The following LPCAT2 variants were observed in gnomAD, a reference collection of about 807,000 sequenced individuals.
The protein encoded by LPCAT2 is 1-AGP acyltransferase 11.
Under a neutral mutation model 64.7 loss-of-function variants are expected in LPCAT2, and 58 were observed. The ratio of observed to expected loss-of-function variants is 0.90; its 90% confidence interval spans 0.73 to 1.12. LPCAT2 has a LOEUF of 1.12. Ranked by LOEUF, LPCAT2 falls within the 50% of genes most tolerant of loss-of-function variation. The pLI, the probability that LPCAT2 is intolerant of heterozygous loss-of-function variation, is 0.00. For synonymous variants in LPCAT2, 252 were observed against 245.3 expected (o/e 1.03, Z -0.26); for missense variants, 579 against 669.8 (o/e 0.86, Z 1.50).
chr16:55,581,838 G>T (rs1189321866), intron 13 of LPCAT2, among the ~76,000 whole-genome samples: 1 of 152,124 alleles, frequency 6.6e-6, no homozygotes, highest in East Asian at 1.9e-4. Flanking sequence ...GAGGATTGAG[G>T]TTCAAGTCCT....
intron 11 of LPCAT2, chr16:55,567,548 A>C: frequency 6.3e-7 from 1 of 1,576,306 alleles, no homozygotes; most frequent in Non-Finnish European, 8.6e-7. Context: ...GACAGGACTG[A>C]AAACCTTGCC....
intron 1 of LPCAT2, among the ~76,000 whole-genome samples, chr16:55,510,657 G>A (rs1243452491): frequency 6.6e-6 from 1 of 152,152 alleles, no homozygotes; most frequent in Non-Finnish European, 1.5e-5. Flanking sequence ...GGGTGTGAGA[G>A]AGGAAGAAGA....
intron 11 of LPCAT2, among the ~76,000 whole-genome samples, chr16:55,554,765 G>A (rs1374319360): frequency 6.6e-6 from 1 of 152,118 alleles, no homozygotes; most frequent in Non-Finnish European, 1.5e-5. Context: ...TCTAGCTTTT[G>A]ATGTGAAGTA....
At chr16:55,529,785 T>G in intron 3 of LPCAT2, 50 bp from the exon 4 acceptor site, 1 of 1,067,362 alleles carries the variant, frequency 9.4e-7, no homozygotes, top group South Asian at 1.6e-5. Context: ...ATTGCTGTGG[T>G]TGCTTTAGCC....
chr16:55,564,291 T>G (rs1386746252), intron 11 of LPCAT2, among the ~76,000 whole-genome samples: 2 of 151,914 alleles, frequency 1.3e-5, no homozygotes, highest in Non-Finnish European at 2.9e-5. Context: ...TCTACAGATT[T>G]AAAGCAATCC....
chr16:55,516,703 A>T (rs1043160029), intron 1 of LPCAT2, among the ~76,000 whole-genome samples: 4 of 152,206 alleles, frequency 2.6e-5, no homozygotes, highest in Admixed American at 6.5e-5. Context: ...AGAGACTTCA[A>T]TTACTCAATA....
At chr16:55,580,731 G>C (rs989478339) in intron 13 of LPCAT2, among the ~76,000 whole-genome samples, 5 of 152,162 alleles carry the variant, frequency 3.3e-5, no homozygotes, top group Admixed American at 2.0e-4. Context: ...TGGCCATTAG[G>C]AACGGAGTTA....
Position 55,525,537 on chromosome 16 carries a change from A to C in LPCAT2, c.201A>C (p.Pro67=), listed in dbSNP as rs1963157403. ...QIVLLGIILL[P]IRVLLVALIL... is the part of the protein sequence containing the mutation. The stretch of plus-strand genomic sequence containing the variant: ...TCCTTCTTGGGATTATCTTGCTTCC[A>C]ATTCGTGTCTTATTGGTTGCGTTAA... Residue 67 remains proline, a synonymous_variant, in exon 2 of 14, where the codon CCA becomes CCC. Transcript: ENST00000262134. 6.2e-7 allele frequency: 1 copy of C among 1,609,562 alleles called. No individual in the cohort carries two copies. The highest frequency in any genetic ancestry group is 8.5e-7 in the Non-Finnish European group (1 of 1,177,798).
intron 11 of LPCAT2, among the ~76,000 whole-genome samples, chr16:55,553,977 GA>G (rs1243345913): frequency 6.6e-6 from 1 of 152,158 alleles, no homozygotes; most frequent in Non-Finnish European, 1.5e-5. Flanking sequence ...GTAATATTTT[GA>G]AAGGAATCTT....
rs972501690 is a variant in LPCAT2 at position 55,547,795 on chromosome 16, T to C, written c.936-1482T>C. 4.5e-4 allele frequency among the ~76,000 whole-genome samples: 68 copies of C among 152,112 alleles called. 1 individual carries two copies. Among genetic ancestry groups the C allele is most frequent in the Non-Finnish European group, 3.1e-4 (21 of 68,012 alleles). ...TTTGTTTTTTGTTTTTTTGAGACAGTCTTGCTCTGTCACTCAGGCTGGAGT... is the reference window on the plus strand; with the variant it reads ...TTTGTTTTTTGTTTTTTTGAGACAGCCTTGCTCTGTCACTCAGGCTGGAGT... On this transcript the variant is annotated intron_variant, in intron 9 of 13. Transcript: ENST00000262134.
At chr16:55,576,856 A>G (rs1447751370) in intron 12 of LPCAT2, among the ~76,000 whole-genome samples, 2 of 152,044 alleles carry the variant, frequency 1.3e-5, no homozygotes, top group Admixed American at 1.3e-4. Context: ...TAGAGAGGGG[A>G]GTTATGGCAA....
chr16:55,566,614 A>G, intron 11 of LPCAT2: 1 of 851,768 alleles, frequency 1.2e-6, no homozygotes, highest in Non-Finnish European at 1.8e-6. Context: ...GTAGGATGTG[A>G]AACATCACAT....
chr16:55,564,500 A>G (rs542425867), intron 11 of LPCAT2, among the ~76,000 whole-genome samples: 12 of 152,122 alleles, frequency 7.9e-5, no homozygotes, highest in African/African-American at 2.9e-4. Context: ...AGAAAGACAT[A>G]TAAGCCAATG....
intron 1 of LPCAT2, among the ~76,000 whole-genome samples, chr16:55,524,610 A>T (rs1395443955): frequency 6.6e-6 from 1 of 151,968 alleles, no homozygotes; most frequent in Non-Finnish European, 1.5e-5. Context: ...AAATTATTTG[A>T]TGGTGCTCAG....
intron 11 of LPCAT2, chr16:55,566,651 G>T: frequency 8.1e-7 from 1 of 1,234,398 alleles, no homozygotes; most frequent in Non-Finnish European, 1.1e-6. Flanking sequence ...GTGTAAGCAG[G>T]TAAAGAAAAG....
At chr16:55,528,657 T>A in intron 3 of LPCAT2, 63 bp downstream of exon 3, 1 of 1,228,006 alleles carries the variant, frequency 8.1e-7, no homozygotes, top group East Asian at 2.3e-5. Context: ...ATTAAAATAA[T>A]CATATATAGT....
chr16:55,530,641 G>A (rs1244037942), intron 4 of LPCAT2, among the ~76,000 whole-genome samples: 1 of 152,084 alleles, frequency 6.6e-6, no homozygotes, highest in East Asian at 1.9e-4. Context: ...AGATGTTAAA[G>A]TCCAAGAGAA....
At chr16:55,566,590 C>G in intron 11 of LPCAT2, 1 of 683,944 alleles carries the variant, frequency 1.5e-6, no homozygotes, top group Non-Finnish European at 2.4e-6. Flanking sequence ...CCTCATGGAA[C>G]TCAGGTATCT....
At chr16:55,573,629 T>G (rs1450526500) in intron 11 of LPCAT2, among the ~76,000 whole-genome samples, 1 of 152,174 alleles carries the variant, frequency 6.6e-6, no homozygotes, top group Non-Finnish European at 1.5e-5. Flanking sequence ...TTGAAAATTT[T>G]GCTGCCAAAA....
Sources: allele counts gnomAD v4.1 joint callset (sites outside exome capture counted in the v4.1 genomes callset), GRCh38; gene constraint gnomAD v4.1.1; transcripts MANE v1.5; gene names NCBI Gene and HGNC (gene_info 2026-07-23, HGNC 2026-07-21).